Variants in VAV1 observed in about 807,000 individuals in gnomAD.
VAV1 encodes the protein vav guanine nucleotide exchange factor 1, also known as proto-oncogene vav.
In VAV1, 33 loss-of-function variants were observed where a neutral mutation model predicts 128.1. That is an observed-to-expected ratio of 0.26 (90% CI 0.20 to 0.34). The LOEUF is 0.34. Ranked by LOEUF, VAV1 falls within the 10% of genes least tolerant of loss-of-function variation. The pLI, the probability that VAV1 is intolerant of heterozygous loss-of-function variation, is 1.00. For synonymous variants in VAV1, 394 were observed against 409.8 expected (o/e 0.96, Z 0.47); for missense variants, 715 against 1,093.7 (o/e 0.65, Z 4.88).
chr19:6,843,026 C>A, intron 21 of VAV1, 109 bp from the exon 22 acceptor site: 1 of 1,225,026 alleles, frequency 8.2e-7, no homozygotes, highest in Non-Finnish European at 1.2e-6. Flanking sequence ...AATAGGCACT[C>A]ACTAAATGCA....
At chr19:6,815,273 A>T (rs147384636) in intron 1 of VAV1, among the ~76,000 whole-genome samples, 318 of 151,932 alleles carry the variant, frequency 2.1e-3, no homozygotes, top group Non-Finnish European at 3.5e-3. Flanking sequence ...TCAGCCTCCC[A>T]AGTAGCTGGG....
intron 1 of VAV1, among the ~76,000 whole-genome samples, chr19:6,792,481 T>A (rs1015407410): frequency 3.3e-5 from 5 of 152,086 alleles, no homozygotes; most frequent in Non-Finnish European, 5.9e-5. Flanking sequence ...GTAGGAAGAC[T>A]AGGGGAGGAA....
intron 1 of VAV1, among the ~76,000 whole-genome samples, chr19:6,775,830 G>C (rs553424863): frequency 6.6e-6 from 1 of 152,254 alleles, no homozygotes; most frequent in African/African-American, 2.4e-5. Context: ...GGATGTGAAA[G>C]GGTAGAGGGA....
intron 1 of VAV1, among the ~76,000 whole-genome samples, chr19:6,800,099 A>T (rs1441516108): frequency 6.6e-6 from 1 of 151,818 alleles, no homozygotes; most frequent in South Asian, 2.1e-4. Context: ...GGAGTTTGAG[A>T]CCAACCTGAC....
intron 1 of VAV1, among the ~76,000 whole-genome samples, chr19:6,817,700 T>C (rs1971686197): frequency 1.3e-5 from 2 of 152,100 alleles, no homozygotes; most frequent in African/African-American, 4.8e-5. Flanking sequence ...ATATATTTAT[T>C]TTCTGAGATG....
chr19:6,842,621 C>G (rs1333710276), intron 21 of VAV1, among the ~76,000 whole-genome samples: 1 of 152,030 alleles, frequency 6.6e-6, no homozygotes, highest in African/African-American at 2.4e-5. Context: ...GAGTTTGAGA[C>G]CAGCCTGGGA....
intron 22 of VAV1, among the ~76,000 whole-genome samples, chr19:6,846,403 A>G (rs1008018380): frequency 6.6e-6 from 1 of 151,002 alleles, no homozygotes; most frequent in Non-Finnish European, 1.5e-5. Flanking sequence ...TTTGGCCTAC[A>G]TGGTGAAACC....
At chr19:6,847,408 T>C (rs569753294) in intron 22 of VAV1, among the ~76,000 whole-genome samples, 17 of 152,216 alleles carry the variant, frequency 1.1e-4, no homozygotes, top group Admixed American at 1.1e-3. Flanking sequence ...AATCACACAG[T>C]GTGTGGCCGT....
chr19:6,823,282 T>C (rs1356211836), intron 6 of VAV1, among the ~76,000 whole-genome samples: 1 of 150,674 alleles, frequency 6.6e-6, no homozygotes, highest in South Asian at 2.1e-4. Context: ...TGCACCACCA[T>C]GCTCGACTAA....
chr19:6,791,913 C>T (rs1326299514), intron 1 of VAV1, among the ~76,000 whole-genome samples: 1 of 151,430 alleles, frequency 6.6e-6, no homozygotes, highest in African/African-American at 2.4e-5. Flanking sequence ...GAAGGAGCTT[C>T]TGGAAGGAAG....
chr19:6,829,806 A>G lies in VAV1; in HGVS notation c.1286A>G (p.Lys429Arg). 6.2e-7 allele frequency: 1 copy of G among 1,614,140 alleles called. No individual in the cohort carries two copies. Among genetic ancestry groups the G allele is most frequent in the Non-Finnish European group, 8.5e-7 (1 of 1,180,004 alleles). The part of the protein sequence containing the change: ...KMDRYAFLLD[K>R]ALLICKRRGD... The stretch of plus-strand genomic sequence containing the variant: ...TCCAGGTATGCCTTCCTGCTCGACA[A>G]AGCTCTACTCATCTGTAAGCGCAGG... Residue 429 changes from lysine (K) to arginine (R), a missense_variant, in exon 14 of 27, where the codon AAA becomes AGA. This residue lies in a region of VAV1 where 407 missense variants were observed against 580.6 expected (regional missense o/e 0.70). Coordinates refer to ENST00000602142, the MANE Select transcript of VAV1 (RefSeq NM_005428.4).
intron 22 of VAV1, among the ~76,000 whole-genome samples, chr19:6,845,502 A>G (rs2144817930): frequency 6.6e-6 from 1 of 152,112 alleles, no homozygotes; most frequent in South Asian, 2.1e-4. Flanking sequence ...ATTTACATTT[A>G]TATTACATAT....
intron 25 of VAV1, 68 bp downstream of exon 25, chr19:6,853,147 T>A: frequency 1.4e-6 from 2 of 1,441,906 alleles, no homozygotes; most frequent in South Asian, 2.4e-5. Flanking sequence ...ACTTTGGGGA[T>A]GCCATTGACA....
In VAV1 at chr19:6,828,020, C is replaced by A. The variant is rs1971960975; in HGVS notation, c.928-56C>A. The A allele has an allele frequency of 6.7e-7, 1 of 1,494,410 alleles. No homozygotes were observed. The highest frequency in any genetic ancestry group is 9.3e-7 in the Non-Finnish European group (1 of 1,071,602). The allele number at this position is 1,494,410 out of a possible 1,614,324, so 92.6% of individuals were successfully genotyped here. Reference sequence around the variant, plus strand: ...TTCAAATCTATCTGCACCCACCCTGCAACTGGCTGTTTCTGGGACCTGCCT... The same window carrying A: ...TTCAAATCTATCTGCACCCACCCTGAAACTGGCTGTTTCTGGGACCTGCCT... On this transcript the variant is annotated intron_variant, in intron 9 of 26. Coordinates refer to ENST00000602142, the MANE Select transcript of VAV1 (RefSeq NM_005428.4). This position sits in a 1 kb window ranked among gnomAD's most constrained non-coding sequence, Gnocchi z 4.5.
intron 1 of VAV1, among the ~76,000 whole-genome samples, chr19:6,811,490 C>CATGTTAAGGGAGGCTGCAGTTGGGGGAGA (rs1275853983): frequency 1.2e-4 from 19 of 152,078 alleles, no homozygotes; most frequent in African/African-American, 4.6e-4. Context: ...GGAGGGACAT[C>CATGTTAAGGGAGGCTGCAGTTGGGGGAGA]ATGTTAAGGG....
At chr19:6,823,126 C>CTTATATACATAAAAGATATA (rs1971836192) in intron 6 of VAV1, among the ~76,000 whole-genome samples, 5 of 115,394 alleles carry the variant, frequency 4.3e-5, no homozygotes, top group African/African-American at 6.8e-5. Context: ...CTTTATCTAT[C>CTTATATACATAAAAGATATA]TATCTTTTTT....
At chr19:6,778,339 A>G (rs1970690384) in intron 1 of VAV1, among the ~76,000 whole-genome samples, 1 of 152,182 alleles carries the variant, frequency 6.6e-6, no homozygotes, top group African/African-American at 2.4e-5. Flanking sequence ...ATCCACCAGG[A>G]CATGGGAGCT....
chr19:6,848,207 A>G, intron 23 of VAV1, 93 bp downstream of exon 23: 1 of 1,225,012 alleles, frequency 8.2e-7, no homozygotes, highest in Non-Finnish European at 1.1e-6. Flanking sequence ...ATAGAAGTGT[A>G]CGGTAATAGC....
chr19:6,836,833 GACACAC>G lies in VAV1; in HGVS notation c.1915-111_1915-106del, dbSNP rs60215253. The G allele has an allele frequency of 7.7e-3, 6,719 of 873,050 alleles. 84 individuals are homozygous for G. The highest frequency in any genetic ancestry group is 0.068 in the African/African-American group (3,656 of 53,624). 54.1% of individuals were successfully genotyped at this position (873,050 alleles called of 1,614,324 possible). A position where few individuals can be genotyped will look rare whatever the true frequency, so the allele number is the denominator to read the frequency against. On this transcript the variant is annotated intron_variant, in intron 20 of 26. Coordinates refer to ENST00000602142, the MANE Select transcript of VAV1 (RefSeq NM_005428.4). Reference sequence around the variant, plus strand: ...AGAGTGACCATTGAGCAGAGAGATGGACACACACACACACACACACACACACACACA... The same window carrying G: ...AGAGTGACCATTGAGCAGAGAGATGGACACACACACACACACACACACACA...
Sources: gnomAD v4.1 joint callset for allele counts (sites outside exome capture counted in the v4.1 genomes callset) on GRCh38, gnomAD v4.1.1 for gene constraint, gnomAD v4.1.1 regional missense constraint, Gnocchi (gnomAD v3.1) non-coding constraint, MANE v1.5 for transcripts, NCBI Gene and HGNC (gene_info 2026-07-23, HGNC 2026-07-21) for gene names.